VPS13C: variants seen among roughly 807,000 people sequenced by gnomAD.
VPS13C encodes intermembrane lipid transfer protein VPS13C.
In VPS13C, 358 loss-of-function variants were observed where a neutral mutation model predicts 456.8. That is an observed-to-expected ratio of 0.78 (90% CI 0.72 to 0.86). VPS13C has a LOEUF of 0.86. Ranked by LOEUF, VPS13C falls within the 40% of genes least tolerant of loss-of-function variation. The pLI is 0.00. For synonymous variants in VPS13C, 1,578 were observed against 1,486.7 expected (o/e 1.06, Z -1.41); for missense variants, 4,818 against 4,385.4 (o/e 1.10, Z -2.79).
intron 9 of VPS13C, among the ~76,000 whole-genome samples, chr15:62,016,475 A>C (rs190072443): frequency 7.3e-6 from 1 of 136,932 alleles, no homozygotes; most frequent in Non-Finnish European, 1.5e-5. Flanking sequence ...CCTGTGTCCA[A>C]GTGTTCTCAT....
chr15:62,012,654 T>C (rs1459559805), intron 11 of VPS13C, among the ~76,000 whole-genome samples: 6 of 151,972 alleles, frequency 3.9e-5, no homozygotes, highest in East Asian at 1.9e-4. Flanking sequence ...TCATCACAAA[T>C]GTCTAAAACA....
At chr15:61,907,130 C>G (rs770587308) in intron 66 of VPS13C, 134 bp downstream of exon 66, 32 of 1,348,200 alleles carry the variant, frequency 2.4e-5, no homozygotes, top group Admixed American at 1.4e-4. Flanking sequence ...CATCTAAAGT[C>G]CAAAAGCTAC....
chr15:61,916,568 T>A (rs1329368939), intron 60 of VPS13C, among the ~76,000 whole-genome samples: 1 of 152,152 alleles, frequency 6.6e-6, no homozygotes, highest in Non-Finnish European at 1.5e-5. Context: ...ACTATTTAAT[T>A]CTTATAAAAT....
intron 49 of VPS13C, among the ~76,000 whole-genome samples, chr15:61,932,504 T>A (rs2044094985): frequency 6.6e-6 from 1 of 151,730 alleles, no homozygotes; most frequent in Admixed American, 6.6e-5. Context: ...TAATTCCAAA[T>A]TCTCTCAGTA....
In VPS13C at chr15:61,852,792, GACAA is replaced by G. The variant is rs1326266053; in HGVS notation, c.*1661_*1664del. 2.6e-5 allele frequency: 4 copies of G among 152,060 alleles called. No individual in the cohort carries two copies. Among genetic ancestry groups the G allele is most frequent in the Admixed American group, 1.3e-4 (2 of 15,260 alleles). The allele number at this position is 152,060 out of a possible 1,614,324, so 9.4% of individuals were successfully genotyped here. A position where few individuals can be genotyped will look rare whatever the true frequency, so the allele number is the denominator to read the frequency against. On this transcript the variant is annotated 3_prime_UTR_variant, in exon 85 of 85. Coordinates refer to ENST00000644861, the MANE Select transcript of VPS13C (RefSeq NM_020821.3). ...AAAAAAATAATTTTGAAAAAGTAAT[GACAA>G]ACAGAGATCAAACATTTAGGGCATT...
chr15:61,882,194 A>C (rs1405119690), intron 69 of VPS13C, among the ~76,000 whole-genome samples: 1 of 152,156 alleles, frequency 6.6e-6, no homozygotes, highest in Non-Finnish European at 1.5e-5. Flanking sequence ...AAAGTAGCCT[A>C]AACAGTACTT....
At chr15:61,965,965 CT>C in intron 30 of VPS13C, 117 bp downstream of exon 30, 3 of 615,266 alleles carry the variant, frequency 4.9e-6, no homozygotes, top group Non-Finnish European at 8.0e-6. Flanking sequence ...ATTTATAACT[CT>C]TATTGGTCCT....
intron 82 of VPS13C, among the ~76,000 whole-genome samples, 183 bp downstream of exon 82, chr15:61,863,257 A>G (rs969473326): frequency 2.6e-5 from 4 of 152,132 alleles, no homozygotes; most frequent in Non-Finnish European, 4.4e-5. Context: ...AGGAGGTCGG[A>G]AAAGAAAATC....
chr15:61,857,307 G>T (rs1383873320), intron 82 of VPS13C, among the ~76,000 whole-genome samples: 1 of 152,182 alleles, frequency 6.6e-6, no homozygotes, highest in Non-Finnish European at 1.5e-5. Context: ...GAGCGAGAGA[G>T]AGAGAGGAAC....
chr15:61,975,313 G>A (rs976919876), intron 24 of VPS13C, among the ~76,000 whole-genome samples: 4 of 151,986 alleles, frequency 2.6e-5, no homozygotes, highest in Non-Finnish European at 5.9e-5. Flanking sequence ...AATCAAAAGA[G>A]AGAAGATAAT....
intron 81 of VPS13C, 79 bp from the exon 82 acceptor site, chr15:61,863,607 T>C (rs896670193): frequency 2.3e-6 from 2 of 869,468 alleles, no homozygotes; most frequent in African/African-American, 3.5e-5. Flanking sequence ...TAGCTAATTA[T>C]AATAATAGTG....
At chr15:61,958,488 T>A in intron 37 of VPS13C, 120 bp downstream of exon 37, 1 of 609,274 alleles carries the variant, frequency 1.6e-6, no homozygotes, top group East Asian at 3.2e-5. Context: ...GTTTGTTTAC[T>A]CGGTAATACA....
chr15:62,006,412 T>G (rs936074831), intron 15 of VPS13C, among the ~76,000 whole-genome samples: 1 of 152,266 alleles, frequency 6.6e-6, no homozygotes, highest in Admixed American at 6.5e-5. Context: ...GTTTCATCCA[T>G]GTCCCTACAA....
At position 61,939,640 on chromosome 15, in the gene VPS13C, C is replaced by T. The variant is rs145681355; in HGVS notation, c.5601+1007G>A. ...AGGATTCCTATACTTCCACGACTAC[C>T]TTCAACCAGTCTCACCTCCTCCTCT... On this transcript the variant is annotated intron_variant, in intron 47 of 84. Coordinates refer to ENST00000644861, the MANE Select transcript of VPS13C (RefSeq NM_020821.3). 2.0e-3 allele frequency among the ~76,000 whole-genome samples: 299 copies of T among 152,276 alleles called. 2 individuals carry two copies. Among genetic ancestry groups the T allele is most frequent in the African/African-American group, 6.8e-3 (283 of 41,544 alleles).
chr15:62,050,832 CCTGGATCAAAA>C (rs1346998781), intron 1 of VPS13C, among the ~76,000 whole-genome samples: 2 of 146,196 alleles, frequency 1.4e-5, no homozygotes, highest in Non-Finnish European at 3.0e-5. Flanking sequence ...AAAAGTAAAT[CCTGGATCAAAA>C]CTGGATCAAA....
intron 24 of VPS13C, among the ~76,000 whole-genome samples, chr15:61,975,723 C>T (rs2045682734): frequency 6.6e-6 from 1 of 152,032 alleles, no homozygotes; most frequent in South Asian, 2.1e-4. Context: ...ACTAGTTCTA[C>T]ACAGTATCTT....
At chr15:61,856,559 A>T in intron 82 of VPS13C, 150 bp from the exon 83 acceptor site, 1 of 821,626 alleles carries the variant, frequency 1.2e-6, no homozygotes, top group Non-Finnish European at 1.8e-6. Context: ...CATTTTTTTT[A>T]AGTCTAGATA....
intron 68 of VPS13C, 74 bp downstream of exon 68, chr15:61,884,054 C>A: frequency 7.4e-7 from 1 of 1,356,098 alleles, no homozygotes; most frequent in Non-Finnish European, 9.9e-7. Context: ...TTTACTTGGG[C>A]ATTACAATTT....
chr15:61,908,554 T>C (rs1309660018), intron 65 of VPS13C, among the ~76,000 whole-genome samples: 1 of 152,068 alleles, frequency 6.6e-6, no homozygotes, highest in Non-Finnish European at 1.5e-5. Flanking sequence ...CTACTATCCC[T>C]ACCCAAAAAA....
Sources: gnomAD v4.1 joint callset for allele counts (sites outside exome capture counted in the v4.1 genomes callset) on GRCh38, gnomAD v4.1.1 for gene constraint, MANE v1.5 for transcripts, NCBI Gene and HGNC (gene_info 2026-07-23, HGNC 2026-07-21) for gene names.